The following ASIC2 variants were observed in gnomAD, a reference collection of about 807,000 sequenced individuals.
ASIC2 encodes acid-sensing ion channel 2.
ASIC2 carries 25 observed loss-of-function variants against 57.3 expected under a neutral mutation model. That is an observed-to-expected ratio of 0.44 (90% CI 0.32 to 0.61). The LOEUF is 0.61. Ranked by LOEUF, ASIC2 falls within the 20% of genes least tolerant of loss-of-function variation. The pLI, the probability that ASIC2 is intolerant of heterozygous loss-of-function variation, is 0.06. For synonymous variants in ASIC2, 319 were observed against 307.5 expected (o/e 1.04, Z -0.39); for missense variants, 641 against 738.1 (o/e 0.87, Z 1.52).
intron 1 of ASIC2, among the ~76,000 whole-genome samples, chr17:34,080,396 T>C (rs936903822): frequency 1.3e-5 from 2 of 152,220 alleles, no homozygotes; most frequent in East Asian, 1.9e-4. Flanking sequence ...CTCAAAAACA[T>C]CCTTACCACC....
chr17:34,121,299 C>T (rs546596834), intron 1 of ASIC2, among the ~76,000 whole-genome samples: 1 of 152,294 alleles, frequency 6.6e-6, no homozygotes, highest in East Asian at 1.9e-4. Context: ...CAGTTTGTGG[C>T]TTTGTGATGG....
chr17:33,807,724 C>A (rs1472579768), intron 1 of ASIC2, among the ~76,000 whole-genome samples: 1 of 152,178 alleles, frequency 6.6e-6, no homozygotes, highest in Non-Finnish European at 1.5e-5. Flanking sequence ...ACCTGCAAAT[C>A]CAATCATGTA....
intron 1 of ASIC2, among the ~76,000 whole-genome samples, chr17:33,666,511 C>T (rs969934885): frequency 1.3e-5 from 2 of 152,128 alleles, no homozygotes; most frequent in Admixed American, 6.5e-5. Flanking sequence ...TCCAGCCCTC[C>T]GCCTCCTCCT....
intron 1 of ASIC2, among the ~76,000 whole-genome samples, chr17:33,191,574 G>A (rs919685117): frequency 9.2e-5 from 14 of 151,714 alleles, no homozygotes; most frequent in African/African-American, 2.9e-4. Flanking sequence ...AGAGGGAGGA[G>A]AAGGAGGAGG....
chr17:33,587,419 TG>T (rs1904674264), intron 1 of ASIC2, among the ~76,000 whole-genome samples: 1 of 152,236 alleles, frequency 6.6e-6, no homozygotes, highest in Admixed American at 6.5e-5. Flanking sequence ...GGAAATATCT[TG>T]CCTCAAAGGT....
intron 1 of ASIC2, among the ~76,000 whole-genome samples, chr17:33,599,291 T>C (rs1905066208): frequency 6.6e-6 from 1 of 152,112 alleles, no homozygotes; most frequent in Non-Finnish European, 1.5e-5. Flanking sequence ...CCTCTTGCCC[T>C]CAACACACAA....
At chr17:33,455,995 A>G (rs1567618367) in intron 1 of ASIC2, among the ~76,000 whole-genome samples, 1 of 152,210 alleles carries the variant, frequency 6.6e-6, no homozygotes. Context: ...CCAGAGTCAC[A>G]GAGTTTGTTA....
intron 1 of ASIC2, among the ~76,000 whole-genome samples, chr17:33,264,653 C>A (rs772394168): frequency 2.2e-4 from 33 of 152,216 alleles, no homozygotes; most frequent in Non-Finnish European, 4.3e-4. Context: ...AGATCAAGAG[C>A]CAAGCGATCA....
intron 1 of ASIC2, among the ~76,000 whole-genome samples, chr17:33,516,104 CCAAAACAAAACAAAACAAAACAAAA>C (rs111917283): frequency 8.3e-5 from 12 of 144,516 alleles, no homozygotes; most frequent in Non-Finnish European, 1.4e-4. Context: ...GATTCTGTCT[CCAAAACAAAACAAAACAAAACAAAA>C]CAAAACAAAA....
chr17:33,861,634 C>T (rs147758917), intron 1 of ASIC2, among the ~76,000 whole-genome samples: 106 of 152,302 alleles, frequency 7.0e-4, no homozygotes, highest in Middle Eastern at 3.4e-3. Context: ...AACAGCCTAC[C>T]TCTTTTCTTC....
At chr17:33,339,002 G>A (rs113416271) in intron 1 of ASIC2, among the ~76,000 whole-genome samples, 64 of 152,112 alleles carry the variant, frequency 4.2e-4, no homozygotes, top group Non-Finnish European at 7.6e-4. Flanking sequence ...TTGGTTGTAC[G>A]ACAATATGAA....
chr17:33,404,607 T>C (rs1474984538), intron 1 of ASIC2, among the ~76,000 whole-genome samples: 6 of 152,196 alleles, frequency 3.9e-5, no homozygotes, highest in Non-Finnish European at 8.8e-5. Context: ...TGACAGCTCA[T>C]CAGCTCCTGT....
At chr17:33,243,323 A>C (rs1908577093) in intron 1 of ASIC2, among the ~76,000 whole-genome samples, 1 of 152,232 alleles carries the variant, frequency 6.6e-6, no homozygotes, top group Admixed American at 6.5e-5. Context: ...AGTAAACAAA[A>C]TGAGTCAGCT....
chr17:33,099,352 T>C (rs2092200854), intron 2 of ASIC2, among the ~76,000 whole-genome samples: 2 of 152,110 alleles, frequency 1.3e-5, no homozygotes, highest in African/African-American at 2.4e-5. Context: ...ATCTGTTAAA[T>C]GACTAGAACT....
intron 1 of ASIC2, among the ~76,000 whole-genome samples, chr17:33,334,486 T>G (rs1296874991): frequency 6.6e-6 from 1 of 152,206 alleles, no homozygotes; most frequent in African/African-American, 2.4e-5. Context: ...GCTGTTGAAC[T>G]GGCTTCCAGC....
At chr17:33,525,407 G>T (rs1914859201) in intron 1 of ASIC2, among the ~76,000 whole-genome samples, 1 of 152,130 alleles carries the variant, frequency 6.6e-6, no homozygotes, top group South Asian at 2.1e-4. Context: ...CAGCTTCTCT[G>T]CCTCCTGGCC....
chr17:33,300,670 C>G (rs924263688), intron 1 of ASIC2, among the ~76,000 whole-genome samples: 4 of 152,212 alleles, frequency 2.6e-5, no homozygotes, highest in Admixed American at 2.6e-4. Context: ...ATGTCCTAAG[C>G]ACACAGCTCT....
intron 1 of ASIC2, among the ~76,000 whole-genome samples, chr17:33,882,140 C>A (rs1048777710): frequency 2.6e-5 from 4 of 152,152 alleles, no homozygotes; most frequent in Non-Finnish European, 5.9e-5. Flanking sequence ...AATGTTAGAC[C>A]TAAAACCATA....
intron 1 of ASIC2, among the ~76,000 whole-genome samples, chr17:33,887,805 T>A (rs1230819618): frequency 6.6e-6 from 1 of 152,190 alleles, no homozygotes; most frequent in African/African-American, 2.4e-5. Context: ...TTTTTTAGTG[T>A]AGCCTTTAAA....
Sources: gnomAD v4.1 joint callset for allele counts (sites outside exome capture counted in the v4.1 genomes callset) on GRCh38, gnomAD v4.1.1 for gene constraint, MANE v1.5 for transcripts, NCBI Gene and HGNC (gene_info 2026-07-23, HGNC 2026-07-21) for gene names.